The following UGT1A9 variants were observed in gnomAD, a reference collection of about 807,000 sequenced individuals.
UGT1A9 encodes the protein UDP-glucuronosyltransferase 1A9.
A neutral mutation model predicts 45.0 loss-of-function variants in UGT1A9; 35 were observed. The observed-to-expected ratio is 0.78, with a 90% CI of 0.59 to 1.03. The LOEUF (loss-of-function observed/expected upper bound fraction) is 1.03, where lower values mean the gene tolerates loss of function less well. UGT1A9 is among the 50% of genes least tolerant of loss of function. UGT1A9 has a pLI of 0.00. For missense variants in UGT1A9, 687 were observed against 666.6 expected (o/e 1.03, Z -0.34); for synonymous variants, 278 against 250.6 (o/e 1.11, Z -1.03).
rs1159047004 is a variant in UGT1A9, at chr2:233,755,329, C to T, written c.856-11705C>T. ...CAGCGAGCGGCAAGGCTGCCAGCAC[C>T]CGCGCACAGGTCAGAGGCTTGGCGA... On this transcript the variant is annotated intron_variant, in intron 1 of 4. Coordinates refer to ENST00000354728, the MANE Select transcript of UGT1A9 (RefSeq NM_021027.3). The T allele has an allele frequency of 1.7e-5, 8 of 468,526 alleles. No individual in the cohort carries two copies. The Admixed American group carries it at 2.8e-4, about 16-fold the overall frequency. 29.0% of individuals were successfully genotyped at this position (468,526 alleles called of 1,614,324 possible).
chr2:233,724,455 C>T lies in UGT1A9; in HGVS notation c.856-42579C>T, dbSNP rs528357739. The stretch of plus-strand genomic sequence containing the variant: ...CTCACTTCTCAGACAGGGCAGCTGC[C>T]GGGCGGAGGGGCTCCTCACTTCTCA... On this transcript the variant is annotated intron_variant, in intron 1 of 4. Transcript: ENST00000354728. Among the ~76,000 whole-genome samples, 1,260 of 127,892 alleles carry T rather than the reference C, an allele frequency of 9.9e-3. 63 individuals carry two copies. The highest frequency in any genetic ancestry group is 0.036 in the African/African-American group (1,175 of 32,784). 83.9% of individuals were successfully genotyped at this position (127,892 alleles called of 152,430 possible).
intron 1 of UGT1A9, among the ~76,000 whole-genome samples, chr2:233,750,991 C>T (rs545732182): frequency 4.6e-5 from 7 of 151,894 alleles, no homozygotes; most frequent in South Asian, 2.1e-4. Flanking sequence ...AGAAGGCGGC[C>T]ACCATCCTCC....
intron 1 of UGT1A9, chr2:233,718,924 C>A: frequency 6.2e-7 from 1 of 1,614,056 alleles, no homozygotes; most frequent in Non-Finnish European, 8.5e-7. Flanking sequence ...TTGGTGGTGC[C>A]CACTGATGGC....
chr2:233,672,935 G>A lies in UGT1A9; in HGVS notation c.855+146G>A, dbSNP rs1353454127. 5 of 1,415,166 alleles carry A rather than the reference G, an allele frequency of 3.5e-6. No homozygotes were observed. The East Asian group carries it at 1.2e-4, about 33-fold the overall frequency. The allele number at this position is 1,415,166 out of a possible 1,614,324, so 87.7% of individuals were successfully genotyped here. A position where few individuals can be genotyped will look rare whatever the true frequency, so the allele number is the denominator to read the frequency against. ...AACAAATTATTTTGTGCCAATGCGT[G>A]TACTCGTCAGTAGCAAATTTTATAA... On this transcript the variant is annotated intron_variant, in intron 1 of 4. Coordinates refer to ENST00000354728, the MANE Select transcript of UGT1A9 (RefSeq NM_021027.3).
intron 1 of UGT1A9, chr2:233,689,792 C>T: frequency 2.3e-6 from 1 of 426,678 alleles, no homozygotes; most frequent in South Asian, 1.7e-5. Context: ...ATGATGTGAT[C>T]TGTAGTTTCT....
chr2:233,743,533 T>A lies in UGT1A9; in HGVS notation c.856-23501T>A, dbSNP rs755870649. On this transcript the variant is annotated intron_variant, in intron 1 of 4. Transcript: ENST00000354728. The stretch of plus-strand genomic sequence containing the variant: ...CGCTCTGCTTCTGCTTCCCCAGCAG[T>A]TCCTCTGACCCCCCCAAAATATTCT... 4 of 1,367,096 alleles carry A rather than the reference T, an allele frequency of 2.9e-6. No individual in the cohort carries two copies. The African/African-American group carries it at 5.9e-5, about 20-fold the overall frequency. 84.7% of individuals were successfully genotyped at this position (1,367,096 alleles called of 1,614,324 possible).
chr2:233,673,359 A>G (rs45456696), intron 1 of UGT1A9, among the ~76,000 whole-genome samples: 63 of 152,286 alleles, frequency 4.1e-4, no homozygotes, highest in African/African-American at 1.5e-3. Context: ...TTTGGATGCA[A>G]TGTAGTTTTT....
At chr2:233,765,745 A>G (rs554567026) in intron 1 of UGT1A9, among the ~76,000 whole-genome samples, 1 of 151,724 alleles carries the variant, frequency 6.6e-6, no homozygotes, top group Non-Finnish European at 1.5e-5. Context: ...AAACCCATAA[A>G]GCCATTTGAG....
intron 1 of UGT1A9, among the ~76,000 whole-genome samples, chr2:233,702,877 C>G (rs7420193): frequency 0.12 from 18,416 of 152,098 alleles, 1,310 homozygotes; most frequent in South Asian, 0.2. Context: ...TTATTGAGGA[C>G]TTTTGCATCA....
Position 233,757,535 on chromosome 2 carries a change from A to AATATATATATATAT in UGT1A9, c.856-9486_856-9473dup, listed in dbSNP as rs67292694. Among the ~76,000 whole-genome samples the AATATATATATATAT allele has an allele frequency of 5.3e-3, 468 of 88,236 alleles. 9 individuals carry two copies. Among genetic ancestry groups the AATATATATATATAT allele is most frequent in the South Asian group, 0.014 (26 of 1,916 alleles). The allele number at this position is 88,236 out of a possible 152,430, so 57.9% of individuals were successfully genotyped here. Reference sequence around the variant, plus strand: ...CAAAGCCAAAATCTTGCCTGTAAGGAATATATATATATATATATATATATA... The same window carrying AATATATATATATAT: ...CAAAGCCAAAATCTTGCCTGTAAGGAATATATATATATATATATATATATATATATATATATATA... On this transcript the variant is annotated intron_variant, in intron 1 of 4. Transcript: ENST00000354728.
chr2:233,703,273 T>C (rs2075729887), intron 1 of UGT1A9, among the ~76,000 whole-genome samples: 1 of 152,226 alleles, frequency 6.6e-6, no homozygotes, highest in Non-Finnish European at 1.5e-5. Flanking sequence ...TTTCTGTTTC[T>C]GTAAGGTTGG....
intron 1 of UGT1A9, among the ~76,000 whole-genome samples, chr2:233,705,148 AAG>A (rs939982250): frequency 6.6e-5 from 10 of 150,986 alleles, no homozygotes; most frequent in African/African-American, 4.9e-5. Context: ...AAAAAAAAAA[AAG>A]AGAGAGAGAG....
intron 1 of UGT1A9, chr2:233,747,713 T>A (rs1051640547): frequency 6.2e-7 from 1 of 1,613,024 alleles, no homozygotes; most frequent in African/African-American, 1.3e-5. Context: ...ACCTATCAAT[T>A]CCTGCTGTGT....
chr2:233,721,742 G>A lies in UGT1A9; in HGVS notation c.856-45292G>A, dbSNP rs752644717. On this transcript the variant is annotated intron_variant, in intron 1 of 4. Transcript: ENST00000354728. ...TTTACTTGGATAAGCTTAATGATGA[G>A]AGAATCTACATCTAAATTGTTATAT... 6 of 435,954 alleles carry A rather than the reference G, an allele frequency of 1.4e-5. No individual in the cohort carries two copies. The East Asian group carries it at 1.9e-4, about 14-fold the overall frequency. The allele number at this position is 435,954 out of a possible 1,614,324, so 27.0% of individuals were successfully genotyped here. A position where few individuals can be genotyped will look rare whatever the true frequency, so the allele number is the denominator to read the frequency against.
chr2:233,678,674 G>A (rs936840231), intron 1 of UGT1A9, among the ~76,000 whole-genome samples: 4 of 152,164 alleles, frequency 2.6e-5, no homozygotes, highest in African/African-American at 9.7e-5. Flanking sequence ...GGCTTGTATT[G>A]TGTAAGGCCA....
At chr2:233,743,773 C>CT in intron 1 of UGT1A9, 1 of 1,367,366 alleles carries the variant, frequency 7.3e-7, no homozygotes, top group Non-Finnish European at 9.8e-7. Flanking sequence ...CCTCGGCCAC[C>CT]TGCTTGAATC....
rs547114887 is a variant in UGT1A9, at chr2:233,686,395, G to A, written c.855+13606G>A. Among the ~76,000 whole-genome samples, 15 of 152,134 alleles carry A rather than the reference G, an allele frequency of 9.9e-5. No individual in the cohort carries two copies. The South Asian group carries it at 1.5e-3, about 15-fold the overall frequency. On this transcript the variant is annotated intron_variant, in intron 1 of 4. Transcript: ENST00000354728. Reference sequence around the variant, plus strand: ...GAATGAAAAGACAACTCGTGTGGGCGCCCTTATTAAGGTGTGCAGATAAAC... The same window carrying A: ...GAATGAAAAGACAACTCGTGTGGGCACCCTTATTAAGGTGTGCAGATAAAC...
In UGT1A9 at chr2:233,682,729, C is replaced by T. The variant is rs781554274; in HGVS notation, c.855+9940C>T. The T allele has an allele frequency of 2.5e-5, 41 of 1,613,712 alleles. No individual in the cohort carries two copies. The Admixed American group carries it at 6.3e-4, about 25-fold the overall frequency. ...ACTTTGTTTTGGAGTATCCCAAACCCGTGATGCCCAATATGATCTTCATTG... is the reference window on the plus strand; with the variant it reads ...ACTTTGTTTTGGAGTATCCCAAACCTGTGATGCCCAATATGATCTTCATTG... On this transcript the variant is annotated intron_variant, in intron 1 of 4. Transcript: ENST00000354728.
intron 1 of UGT1A9, chr2:233,729,903 G>C (rs2077945503): frequency 6.2e-7 from 1 of 1,613,906 alleles, no homozygotes; most frequent in East Asian, 2.2e-5. Flanking sequence ...TGTTCCGAGG[G>C]GACTTTGTGA....
Sources: gnomAD v4.1 joint callset for allele counts (sites outside exome capture counted in the v4.1 genomes callset) on GRCh38, gnomAD v4.1.1 for gene constraint, MANE v1.5 for transcripts, NCBI Gene and HGNC (gene_info 2026-07-23, HGNC 2026-07-21) for gene names.